ZFYVE9: variants seen among roughly 807,000 people sequenced by gnomAD.
ZFYVE9 encodes the protein zinc finger FYVE-type containing 9.
A neutral mutation model predicts 126.7 loss-of-function variants in ZFYVE9; 43 were observed. The ratio of observed to expected loss-of-function variants is 0.34; its 90% CI spans 0.27 to 0.44. The LOEUF is 0.44. ZFYVE9 is among the 20% of genes least tolerant of loss of function. ZFYVE9 has a pLI of 1.00. For synonymous variants in ZFYVE9, 521 were observed against 597.4 expected, an observed-to-expected ratio of 0.87 and a Z score of 1.87; for missense variants, 1,476 against 1,697.0, an observed-to-expected ratio of 0.87 and a Z score of 2.29.
chr1:52,210,345 A>G (rs1645015667), intron 1 of ZFYVE9, among the ~76,000 whole-genome samples: 1 of 152,180 alleles, frequency 6.6e-6, no homozygotes, highest in Admixed American at 6.5e-5. Flanking sequence ...GCTACTGTAG[A>G]TGGAGTAAAA....
At chr1:52,186,120 A>G (rs529549904) in intron 1 of ZFYVE9, among the ~76,000 whole-genome samples, 2 of 149,454 alleles carry the variant, frequency 1.3e-5, no homozygotes, top group East Asian at 2.0e-4. Flanking sequence ...GGCACCTGTA[A>G]TCCTAGTTAC....
chr1:52,184,329 A>T (rs1194051299), intron 1 of ZFYVE9, among the ~76,000 whole-genome samples: 1 of 146,020 alleles, frequency 6.8e-6, no homozygotes, highest in Admixed American at 6.9e-5. Flanking sequence ...GGTTCAAGTG[A>T]TTCTTCTGTA....
At chr1:52,214,392 A>G (rs1337592676) in intron 1 of ZFYVE9, among the ~76,000 whole-genome samples, 1 of 152,158 alleles carries the variant, frequency 6.6e-6, no homozygotes, top group African/African-American at 2.4e-5. Context: ...GCACCATTAC[A>G]TTCCAGCCTG....
Position 52,175,764 on chromosome 1 carries a change from A to G in ZFYVE9, c.-143+33361A>G, listed in dbSNP as rs182079051. ...CTTCATTTCATTCATTTCATCTTCC[A>G]TCACTGAAACCGTTTCTTCCAGTTG... On this transcript the variant is annotated intron_variant, in intron 1 of 18. Transcript: ENST00000287727. Among the ~76,000 whole-genome samples, 605 of 152,188 alleles carry G rather than the reference A, an allele frequency of 4.0e-3. 6 individuals carry two copies. The highest frequency in any genetic ancestry group is 6.0e-3 in the Non-Finnish European group (408 of 68,022).
At chr1:52,187,352 A>G (rs1644774174) in intron 1 of ZFYVE9, among the ~76,000 whole-genome samples, 1 of 152,240 alleles carries the variant, frequency 6.6e-6, no homozygotes, top group Admixed American at 6.5e-5. Context: ...AAAACCCAAA[A>G]GTATAAAAAC....
At chr1:52,239,699 G>T in intron 4 of ZFYVE9, 104 bp downstream of exon 4, 1 of 1,283,976 alleles carries the variant, frequency 7.8e-7, no homozygotes, top group Non-Finnish European at 1.0e-6. Context: ...TGGTTGAGTT[G>T]ACCTAAATAG....
intron 4 of ZFYVE9, among the ~76,000 whole-genome samples, chr1:52,254,808 A>C (rs151072402): frequency 1.3e-5 from 2 of 152,232 alleles, no homozygotes; most frequent in African/African-American, 4.8e-5. Context: ...CTCTACTAAA[A>C]ATTAAAAAAT....
chr1:52,218,865 T>C (rs1415697208), intron 2 of ZFYVE9, among the ~76,000 whole-genome samples: 1 of 151,718 alleles, frequency 6.6e-6, no homozygotes, highest in East Asian at 1.9e-4. Flanking sequence ...GCCTGTAGGG[T>C]CTTTTGCAGT....
intron 4 of ZFYVE9, among the ~76,000 whole-genome samples, chr1:52,254,540 A>T (rs1418726673): frequency 6.6e-6 from 1 of 152,124 alleles, no homozygotes; most frequent in African/African-American, 2.4e-5. Flanking sequence ...ACAAAAGGGG[A>T]CGTATGTTCC....
chr1:52,229,899 G>C (rs990324668), intron 2 of ZFYVE9, among the ~76,000 whole-genome samples: 1 of 148,738 alleles, frequency 6.7e-6, no homozygotes, highest in South Asian at 2.1e-4. Flanking sequence ...ACGGAGTCTC[G>C]CTCTGTCGCC....
At chr1:52,295,828 C>T in intron 11 of ZFYVE9, 67 bp from the exon 12 acceptor site, 1 of 1,317,398 alleles carries the variant, frequency 7.6e-7, no homozygotes. Flanking sequence ...TTGTATTAGT[C>T]ATGAAATCTC....
At chr1:52,297,991 T>G (rs1010816753) in intron 12 of ZFYVE9, among the ~76,000 whole-genome samples, 3 of 152,152 alleles carry the variant, frequency 2.0e-5, no homozygotes, top group African/African-American at 7.2e-5. Context: ...CTTTTGCCTG[T>G]TTTTTAATTG....
chr1:52,331,997 G>A (rs866554784), intron 13 of ZFYVE9, among the ~76,000 whole-genome samples: 1 of 151,632 alleles, frequency 6.6e-6, no homozygotes, highest in Non-Finnish European at 1.5e-5. Flanking sequence ...AACCATGATG[G>A]TCTCGATCTC....
In ZFYVE9 at chr1:52,205,329, C is replaced by T. The variant is rs181845871; in HGVS notation, c.-142-11040C>T. ...AGCTTAAGCTGTCTGACCACCTCAG[C>T]TTCCCAGGGTGTTGGGACTACAGGG... is the stretch of plus-strand genomic sequence containing the variant. On this transcript the variant is annotated intron_variant, in intron 1 of 18. Transcript: ENST00000287727. Among the ~76,000 whole-genome samples, 6 of 152,070 alleles carry T rather than the reference C, an allele frequency of 3.9e-5. No individual in the cohort carries two copies. In the East Asian group the frequency reaches 1.2e-3, roughly 29 times the overall value.
At chr1:52,339,341 A>G (rs1646415080) in intron 16 of ZFYVE9, among the ~76,000 whole-genome samples, 1 of 151,434 alleles carries the variant, frequency 6.6e-6, no homozygotes, top group African/African-American at 2.4e-5. Context: ...AGGCTGGAGT[A>G]CAGTGGTGCG....
intron 1 of ZFYVE9, among the ~76,000 whole-genome samples, chr1:52,214,892 TA>T (rs1252557734): frequency 2.6e-5 from 4 of 152,044 alleles, no homozygotes; most frequent in Non-Finnish European, 4.4e-5. Flanking sequence ...AGCCTTATTT[TA>T]TTCACGTCCT....
chr1:52,181,365 G>A (rs1462908348), intron 1 of ZFYVE9, among the ~76,000 whole-genome samples: 3 of 152,240 alleles, frequency 2.0e-5, no homozygotes, highest in Non-Finnish European at 2.9e-5. Context: ...GATTGCAGAC[G>A]GAGTCTGGTT....
chr1:52,296,062 C>T, intron 12 of ZFYVE9, 85 bp downstream of exon 12: 1 of 1,260,126 alleles, frequency 7.9e-7, no homozygotes, highest in Non-Finnish European at 1.1e-6. Flanking sequence ...TTCTTGGTAG[C>T]TGTGCCCAAG....
intron 16 of ZFYVE9, 89 bp from the exon 17 acceptor site, chr1:52,340,037 C>A: frequency 9.9e-7 from 1 of 1,011,066 alleles, no homozygotes; most frequent in Non-Finnish European, 1.6e-6. Context: ...GTGTAATTAG[C>A]AGGAAGACTT....
Sources: allele counts gnomAD v4.1 joint callset (sites outside exome capture counted in the v4.1 genomes callset), GRCh38; gene constraint gnomAD v4.1.1; transcripts MANE v1.5; gene names NCBI Gene and HGNC (gene_info 2026-07-23, HGNC 2026-07-21).